The following PGAP6 variants were observed in gnomAD, a reference collection of about 807,000 sequenced individuals.
The protein encoded by PGAP6 is post-GPI attachment to proteins factor 6.
In PGAP6, 62 loss-of-function variants were observed where a neutral mutation model predicts 68.4. The observed-to-expected ratio is 0.91, with a 90% CI of 0.74 to 1.12. PGAP6 has a LOEUF of 1.12. Among genes scored for constraint, PGAP6 ranks in the 50% most tolerant of loss-of-function variants. The pLI, the probability that PGAP6 is intolerant of heterozygous loss-of-function variation, is 0.00. For synonymous variants in PGAP6, 575 were observed against 474.0 expected (o/e 1.21, Z -2.77); for missense variants, 1,188 against 1,068.5 (o/e 1.11, Z -1.56).
intron 1 of PGAP6, among the ~76,000 whole-genome samples, chr16:378,258 C>T (rs1325870584): frequency 3.1e-5 from 4 of 128,592 alleles, no homozygotes; most frequent in Admixed American, 7.5e-5. Context: ...CCATCCCCAC[C>T]CGCACTGCCA....
chr16:383,356 C>T (rs1291883963), upstream of PGAP6: 1 of 152,268 alleles, frequency 6.6e-6, no homozygotes, highest in African/African-American at 2.4e-5. Flanking sequence ...TGGGAACCCC[C>T]CCGACTTGTC....
At chr16:385,849 T>C (rs57910768), upstream of PGAP6, among the ~76,000 whole-genome samples, 5,530 of 148,318 alleles carry the variant, frequency 0.037, 308 homozygotes, top group African/African-American at 0.12. Context: ...TGGTCTCGAT[T>C]TCCTGACCTC....
In PGAP6 at chr16:377,561, C is replaced by A; in HGVS notation, c.324G>T (p.Pro108=). 6.3e-7 allele frequency: 1 copy of A among 1,582,794 alleles called. No individual in the cohort carries two copies. Among genetic ancestry groups the A allele is most frequent in the Middle Eastern group, 1.7e-4 (1 of 6,028 alleles). ...AGCTGGTGCCCAGCGGGTTGATGAC[C>A]GGAGGGGCGCCGGAACGGAAGTGCC... ...ITVHFRSGAP[P]VINPLGTSFP... The change falls in exon 3 of 13, where the codon CCG becomes CCT. Residue 108 remains proline, a synonymous_variant. Transcript: ENST00000431232.
intron 1 of PGAP6, among the ~76,000 whole-genome samples, chr16:378,061 C>G (rs893073107): frequency 2.6e-5 from 4 of 152,056 alleles, no homozygotes; most frequent in Admixed American, 2.6e-4. Context: ...CTACATCCCA[C>G]CCTCCTGGCA....
intron 1 of PGAP6, among the ~76,000 whole-genome samples, chr16:378,458 A>G (rs2077043): frequency 0.45 from 1,267 of 2,814 alleles, 347 homozygotes; most frequent in African/African-American, 0.55. Context: ...ATCGCCACCC[A>G]CACTGCCATC....
upstream of PGAP6, among the ~76,000 whole-genome samples, chr16:385,777 A>C (rs1054421889): frequency 4.6e-5 from 7 of 150,846 alleles, no homozygotes; most frequent in South Asian, 2.1e-4. Context: ...GGCGCCTGCC[A>C]ACACACCCGG....
rs1597155343 is a variant in PGAP6 at position 371,108 on chromosome 16, G to A, written c.*879C>T. On this transcript the variant is annotated 3_prime_UTR_variant, in exon 13 of 13. Coordinates refer to ENST00000431232, the MANE Select transcript of PGAP6 (RefSeq NM_021259.3). ...CGAGACACTCACAGGCCTCAGGGAG[G>A]GGCCAGGTGCTGCTCCTGGTCATTG... The A allele has an allele frequency of 6.6e-6, 1 of 152,384 alleles. No individual in the cohort carries two copies. Among genetic ancestry groups the A allele is most frequent in the South Asian group, 2.1e-4 (1 of 4,832 alleles). The allele number at this position is 152,384 out of a possible 1,614,324, so 9.4% of individuals were successfully genotyped here. A position where few individuals can be genotyped will look rare whatever the true frequency, so the allele number is the denominator to read the frequency against.
chr16:381,100 G>A (rs538966884), intron 1 of PGAP6, among the ~76,000 whole-genome samples: 4 of 152,372 alleles, frequency 2.6e-5, no homozygotes, highest in South Asian at 2.1e-4. Flanking sequence ...AAATGCAAAG[G>A]GAGCCCGGCG....
chr16:378,324 C>T (rs1435021995), intron 1 of PGAP6, among the ~76,000 whole-genome samples: 2 of 146,716 alleles, frequency 1.4e-5, no homozygotes, highest in East Asian at 2.0e-4. Flanking sequence ...GCACTGCCAT[C>T]GCCACCCGCA....
chr16:386,847 T>C (rs538308629), upstream of PGAP6: 31 of 691,522 alleles, frequency 4.5e-5, no homozygotes, highest in Non-Finnish European at 7.7e-5. Context: ...GAAGGCAGCG[T>C]TGAAAGGTGT....
At chr16:378,204 C>CCGCGCTGCCATCGCCACT (rs1555491575) in intron 1 of PGAP6, among the ~76,000 whole-genome samples, 1 of 88,636 alleles carries the variant, frequency 1.1e-5, no homozygotes, top group Non-Finnish European at 2.4e-5. Flanking sequence ...CCATCGCCAC[C>CCGCGCTGCCATCGCCACT]CTGACTGCCA....
intron 5 of PGAP6, 23 bp downstream of exon 5, chr16:376,521 C>A (rs2054385370): frequency 6.5e-7 from 1 of 1,541,914 alleles, no homozygotes; most frequent in African/African-American, 1.4e-5. Flanking sequence ...CAGGGCCATC[C>A]CTCCAGCCCT....
intron 8 of PGAP6, 59 bp from the exon 9 acceptor site, chr16:374,951 A>G: frequency 6.2e-7 from 1 of 1,607,698 alleles, no homozygotes; most frequent in South Asian, 1.1e-5. Context: ...AGCTGCCACC[A>G]GCGCTCCCAA....
chr16:384,581 C>T (rs1444810960), upstream of PGAP6, among the ~76,000 whole-genome samples: 8 of 152,326 alleles, frequency 5.3e-5, no homozygotes, highest in Middle Eastern at 3.4e-3. Flanking sequence ...GAGGGCCGGG[C>T]GCGGTGTCTC....
chr16:371,107 G>A lies in PGAP6; in HGVS notation c.*880C>T, dbSNP rs1464307542. On this transcript the variant is annotated 3_prime_UTR_variant, in exon 13 of 13. Transcript: ENST00000431232. ...CCGAGACACTCACAGGCCTCAGGGA[G>A]GGGCCAGGTGCTGCTCCTGGTCATT... is the stretch of plus-strand genomic sequence containing the variant. The A allele has an allele frequency of 6.6e-6, 1 of 152,414 alleles. No homozygotes were observed. The highest frequency in any genetic ancestry group is 1.9e-4 in the East Asian group (1 of 5,170). The allele number at this position is 152,414 out of a possible 1,614,324, so 9.4% of individuals were successfully genotyped here.
chr16:380,423 A>G (rs544944282), intron 1 of PGAP6, among the ~76,000 whole-genome samples: 1 of 151,214 alleles, frequency 6.6e-6, no homozygotes, highest in Non-Finnish European at 1.5e-5. Context: ...CTGGAGTGCA[A>G]TGGAGCGACT....
In PGAP6 at chr16:381,914, CGCCT is replaced by C; in HGVS notation, c.-97_-94del. ...CAGCCTCTGCCGCCTCCGCCTCTGC[CGCCT>C]CCGCCTCTGCCCCCGGCGCCCATGG... is the stretch of plus-strand genomic sequence containing the variant. On this transcript the variant is annotated 5_prime_UTR_variant, in exon 1 of 13. An upstream open reading frame in the 5' UTR loses its in-frame stop. Transcript: ENST00000431232. 1.0e-6 allele frequency: 1 copy of C among 969,776 alleles called. No homozygotes were observed. The highest frequency in any genetic ancestry group is 1.2e-6 in the Non-Finnish European group (1 of 818,206). The allele number at this position is 969,776 out of a possible 1,614,324, so 60.1% of individuals were successfully genotyped here.
At chr16:372,559 G>T in intron 12 of PGAP6, 52 bp downstream of exon 12, 1 of 1,411,740 alleles carries the variant, frequency 7.1e-7, no homozygotes. Context: ...AAGGGGCCAG[G>T]CTCTCTTCTC....
At chr16:380,056 A>T (rs1308111582) in intron 1 of PGAP6, among the ~76,000 whole-genome samples, 3 of 151,942 alleles carry the variant, frequency 2.0e-5, no homozygotes, top group African/African-American at 7.3e-5. Flanking sequence ...ACCACCCACA[A>T]CGCCACAGAG....
Sources: allele counts gnomAD v4.1 joint callset (sites outside exome capture counted in the v4.1 genomes callset), GRCh38; gene constraint gnomAD v4.1.1; transcripts MANE v1.5; gene names NCBI Gene and HGNC (gene_info 2026-07-23, HGNC 2026-07-21).